Variants in GABRG3 observed in about 807,000 individuals in gnomAD.
The protein encoded by GABRG3 is gamma-aminobutyric acid receptor subunit gamma-3.
In GABRG3, 25 loss-of-function variants were observed where a neutral mutation model predicts 48.8. The ratio of observed to expected loss-of-function variants is 0.51; its 90% confidence interval spans 0.37 to 0.72. GABRG3 has a LOEUF of 0.72. Among genes scored for constraint, GABRG3 ranks in the 30% least tolerant of loss-of-function variants. The pLI, the probability that GABRG3 is intolerant of heterozygous loss-of-function variation, is 0.00. For synonymous variants in GABRG3, 227 were observed against 217.6 expected (o/e 1.04, Z -0.38); for missense variants, 394 against 577.9 (o/e 0.68, Z 3.26).
chr15:27,131,250 G>A (rs979431895), intron 3 of GABRG3, among the ~76,000 whole-genome samples: 12 of 151,988 alleles, frequency 7.9e-5, no homozygotes, highest in Middle Eastern at 3.2e-3. Context: ...ACAAAAGGGC[G>A]TTGAAGTTTG....
chr15:27,441,794 G>T (rs1234676192), intron 5 of GABRG3, among the ~76,000 whole-genome samples: 1 of 152,258 alleles, frequency 6.6e-6, no homozygotes, highest in African/African-American at 2.4e-5. Context: ...CTACGGAGTT[G>T]TTCCCATGAC....
chr15:27,513,310 C>T (rs938836263), intron 6 of GABRG3, among the ~76,000 whole-genome samples: 4 of 151,994 alleles, frequency 2.6e-5, no homozygotes, highest in East Asian at 1.9e-4. Context: ...ATTAGCCAGG[C>T]GTGGTGGTGG....
intron 7 of GABRG3, among the ~76,000 whole-genome samples, chr15:27,525,449 T>C (rs1045807752): frequency 6.6e-6 from 1 of 152,128 alleles, no homozygotes; most frequent in African/African-American, 2.4e-5. Context: ...AGCACTCTTC[T>C]TTACTAGGTA....
Position 27,221,900 on chromosome 15 carries a change from G to A in GABRG3, c.271-104909G>A, listed in dbSNP as rs193062935. Among the ~76,000 whole-genome samples, 4 of 152,290 alleles carry A rather than the reference G, an allele frequency of 2.6e-5. No homozygotes were observed. The East Asian group carries it at 7.7e-4, about 29-fold the overall frequency. On this transcript the variant is annotated intron_variant, in intron 3 of 9. Transcript: ENST00000615808. ...TTTTTGGTAAAGCCATGCACTAGGA[G>A]TTTGTATGATTGTCCCCAAATGGGC...
intron 3 of GABRG3, among the ~76,000 whole-genome samples, chr15:27,035,031 C>G (rs1419637670): frequency 6.6e-6 from 1 of 152,182 alleles, no homozygotes; most frequent in Non-Finnish European, 1.5e-5. Context: ...GGTAATGGAG[C>G]AACGCAGCTT....
At chr15:27,061,702 GA>G (rs1198953899) in intron 3 of GABRG3, among the ~76,000 whole-genome samples, 1 of 151,826 alleles carries the variant, frequency 6.6e-6, no homozygotes, top group African/African-American at 2.4e-5. Context: ...CCACCAAAGA[GA>G]AAAAAAGTCT....
chr15:27,364,397 C>T (rs1595706135), intron 5 of GABRG3: 1 of 152,430 alleles, frequency 6.6e-6, no homozygotes, highest in African/African-American at 2.4e-5. Flanking sequence ...ATGATGGGCA[C>T]TCTTATGTTG....
chr15:27,525,847 G>A (rs1891263705), intron 7 of GABRG3, among the ~76,000 whole-genome samples: 1 of 152,088 alleles, frequency 6.6e-6, no homozygotes, highest in African/African-American at 2.4e-5. Flanking sequence ...GCTAATGCAT[G>A]CTGGGCTTAA....
intron 5 of GABRG3, among the ~76,000 whole-genome samples, chr15:27,329,793 T>A (rs981281827): frequency 2.0e-5 from 3 of 152,202 alleles, no homozygotes; most frequent in South Asian, 4.1e-4. Context: ...AAAAGGAATA[T>A]CAAATATCAA....
intron 3 of GABRG3, among the ~76,000 whole-genome samples, chr15:27,120,333 A>T (rs1315787052): frequency 6.6e-6 from 1 of 152,134 alleles, no homozygotes; most frequent in Non-Finnish European, 1.5e-5. Context: ...TTGCATGCAT[A>T]GGTGCTTTTC....
intron 5 of GABRG3, among the ~76,000 whole-genome samples, chr15:27,477,538 A>G (rs990236102): frequency 1.3e-5 from 2 of 152,196 alleles, no homozygotes; most frequent in African/African-American, 4.8e-5. Flanking sequence ...TAGAACGTGC[A>G]ACACCAAAAG....
intron 3 of GABRG3, among the ~76,000 whole-genome samples, chr15:27,190,758 C>G (rs1046906743): frequency 1.3e-5 from 2 of 151,926 alleles, no homozygotes; most frequent in East Asian, 1.9e-4. Flanking sequence ...TTATTTCTTG[C>G]CTTCTGCTAG....
intron 5 of GABRG3, among the ~76,000 whole-genome samples, chr15:27,388,778 T>C (rs552495599): frequency 2.0e-5 from 3 of 152,032 alleles, no homozygotes; most frequent in Admixed American, 6.5e-5. Flanking sequence ...AACAGATCAA[T>C]GCACAAAATA....
intron 3 of GABRG3, among the ~76,000 whole-genome samples, chr15:27,120,788 C>A (rs8041544): frequency 6.6e-6 from 1 of 151,706 alleles, no homozygotes; most frequent in Non-Finnish European, 1.5e-5. Flanking sequence ...GTTTTTTGAC[C>A]GTGTCTCACA....
intron 5 of GABRG3, among the ~76,000 whole-genome samples, chr15:27,398,688 A>G (rs531780113): frequency 1.3e-5 from 2 of 151,854 alleles, no homozygotes; most frequent in African/African-American, 4.8e-5. Flanking sequence ...ACACACACAC[A>G]CCCCTCTATT....
chr15:26,978,487 A>G (rs1434801551), intron 2 of GABRG3, among the ~76,000 whole-genome samples: 2 of 152,024 alleles, frequency 1.3e-5, no homozygotes, highest in African/African-American at 4.8e-5. Context: ...TTATGTCTTG[A>G]TTTTTATATA....
intron 5 of GABRG3, among the ~76,000 whole-genome samples, chr15:27,336,189 GAAAA>G (rs1893958357): frequency 7.5e-6 from 1 of 132,944 alleles, no homozygotes. Flanking sequence ...GAGTCAGTAT[GAAAA>G]GAAAGAAAGA....
intron 6 of GABRG3, among the ~76,000 whole-genome samples, chr15:27,481,935 G>A (rs1177963638): frequency 6.6e-6 from 1 of 152,114 alleles, no homozygotes; most frequent in Admixed American, 6.5e-5. Context: ...TGGGGTCTAA[G>A]GCCGCCTGAA....
chr15:27,387,253 GT>G (rs57380810), intron 5 of GABRG3, among the ~76,000 whole-genome samples: 60,245 of 148,608 alleles, frequency 0.41, 12,222 homozygotes, highest in East Asian at 0.5. Flanking sequence ...TGTAATTCAC[GT>G]TTTTTTTTTT....
Sources: gnomAD v4.1 joint callset for allele counts (sites outside exome capture counted in the v4.1 genomes callset) on GRCh38, gnomAD v4.1.1 for gene constraint, MANE v1.5 for transcripts, NCBI Gene and HGNC (gene_info 2026-07-23, HGNC 2026-07-21) for gene names.